The following ZNF510 variants were observed in gnomAD, a reference collection of about 807,000 sequenced individuals.
ZNF510 encodes the protein zinc finger protein 510.
ZNF510 carries 15 observed loss-of-function variants against 18.1 expected under a neutral mutation model. The observed-to-expected ratio is 0.83, with a 90% CI of 0.55 to 1.28. The LOEUF (loss-of-function observed/expected upper bound fraction) is 1.28. Ranked by LOEUF, ZNF510 falls within the 50% of genes most tolerant of loss-of-function variation. The pLI is 0.00. For missense variants in ZNF510, 724 were observed against 791.8 expected (o/e 0.91, Z 1.03); for synonymous variants, 261 against 266.4 (o/e 0.98, Z 0.20).
chr9:96,773,320 A>G (rs776298833), intron 3 of ZNF510, among the ~76,000 whole-genome samples: 3 of 152,204 alleles, frequency 2.0e-5, no homozygotes, highest in Non-Finnish European at 4.4e-5. Context: ...TAAGTTTTTA[A>G]AAGGAAAAAA....
chr9:96,760,689 T>C (rs1588126278), intron 5 of ZNF510, among the ~76,000 whole-genome samples: 2 of 152,250 alleles, frequency 1.3e-5, no homozygotes, highest in South Asian at 4.1e-4. Context: ...TGGTAATGAA[T>C]ACATATTTTG....
chr9:96,773,741 A>G (rs906059528), intron 3 of ZNF510, among the ~76,000 whole-genome samples: 1 of 152,070 alleles, frequency 6.6e-6, no homozygotes, highest in Non-Finnish European at 1.5e-5. Flanking sequence ...ACGCCCGGCT[A>G]ATTTTTATAT....
In ZNF510 at chr9:96,758,606, C is replaced by A; in HGVS notation, c.*172G>T. Reference sequence around the variant, plus strand: ...TGAAGGTTGCATTTTGGACACAATTCTTCCTGCATTCATCTTCATCTGGTT... The same window carrying A: ...TGAAGGTTGCATTTTGGACACAATTATTCCTGCATTCATCTTCATCTGGTT... On this transcript the variant is annotated 3_prime_UTR_variant, in exon 6 of 6. Coordinates refer to ENST00000223428, the MANE Select transcript of ZNF510 (RefSeq NM_014930.3). 1.5e-6 allele frequency: 1 copy of A among 667,152 alleles called. No homozygotes were observed. The highest frequency in any genetic ancestry group is 2.4e-6 in the Non-Finnish European group (1 of 414,174). The allele number at this position is 667,152 out of a possible 1,614,324, so 41.3% of individuals were successfully genotyped here. A position where few individuals can be genotyped will look rare whatever the true frequency, so the allele number is the denominator to read the frequency against.
Position 96,759,720 on chromosome 9 carries a change from T to C in ZNF510, c.1110A>G (p.Thr370=). 6.2e-7 allele frequency: 1 copy of C among 1,614,020 alleles called. No homozygotes were observed. The highest frequency in any genetic ancestry group is 8.5e-7 in the Non-Finnish European group (1 of 1,179,990). The change falls in exon 6 of 6, where the codon ACA becomes ACG. Residue 370 remains threonine (T), a synonymous_variant. Coordinates refer to ENST00000223428, the MANE Select transcript of ZNF510 (RefSeq NM_014930.3). ...ATTCAGAGGATTTAACCCAAGTCTGTGTTCTGTCATTACTTACCAATGGGT... is the reference window on the plus strand; with the variant it reads ...ATTCAGAGGATTTAACCCAAGTCTGCGTTCTGTCATTACTTACCAATGGGT... ...EENPLVSNDR[T]QTWVKSSEYH...
In ZNF510 at chr9:96,762,937, T is replaced by C. The variant is rs1413709306; in HGVS notation, c.352+181A>G. On this transcript the variant is annotated intron_variant, in intron 5 of 5. Coordinates refer to ENST00000223428, the MANE Select transcript of ZNF510 (RefSeq NM_014930.3). ...TTGTCTTTTCACCTTTTGAATAATA[T>C]ATTAACAAATTTCTTACTTTTAATG... 5.6e-6 allele frequency: 3 copies of C among 532,260 alleles called. No individual in the cohort carries two copies. In the South Asian group the frequency reaches 6.6e-5, roughly 12 times the overall value. 33.0% of individuals were successfully genotyped at this position (532,260 alleles called of 1,614,324 possible).
In ZNF510 at chr9:96,760,326, A is replaced by C. The variant is rs1849315021; in HGVS notation, c.504T>G (p.Ala168=). ...KPFTLHVAAV[A]STKMSCKCNS... is the part of the protein sequence containing the mutation. ...TGCATTTGCAGGACATTTTTGTTGA[A>C]GCAACAGCAGCTACATGCAGAGTAA... The change falls in exon 6 of 6, where the codon GCT becomes GCG. Residue 168 remains alanine (A), a synonymous_variant. Coordinates refer to ENST00000223428, the MANE Select transcript of ZNF510 (RefSeq NM_014930.3). 1 of 1,613,878 alleles carries C rather than the reference A, an allele frequency of 6.2e-7. No homozygotes were observed. The highest frequency in any genetic ancestry group is 8.5e-7 in the Non-Finnish European group (1 of 1,179,872).
intron 2 of ZNF510, 149 bp from the exon 3 acceptor site, chr9:96,774,995 C>A (rs1849660782): frequency 1.6e-6 from 1 of 618,608 alleles, no homozygotes; most frequent in African/African-American, 1.9e-5. Context: ...ACAGAGAAAG[C>A]ACCTCCTGAA....
chr9:96,772,304 A>G (rs938158866), intron 3 of ZNF510, among the ~76,000 whole-genome samples: 27 of 152,318 alleles, frequency 1.8e-4, no homozygotes, highest in Admixed American at 1.7e-3. Flanking sequence ...GTATGTAGTA[A>G]CAATATAGGA....
Position 96,759,735 on chromosome 9 carries a change from T to C in ZNF510, c.1095A>G (p.Val365=), listed in dbSNP as rs147066565. 1.4e-4 allele frequency: 225 copies of C among 1,614,028 alleles called. No individual in the cohort carries two copies. Among genetic ancestry groups the C allele is most frequent in the Admixed American group, 5.3e-4 (32 of 60,026 alleles). ...CCCAAGTCTGTGTTCTGTCATTACT[T>C]ACCAATGGGTTCTCTTCTATGACAG... is the stretch of plus-strand genomic sequence containing the variant. The part of the protein sequence containing the change: ...QTAVIEENPL[V]SNDRTQTWVK... The change falls in exon 6 of 6, where the codon GTA becomes GTG. Residue 365 remains valine, a synonymous_variant. Transcript: ENST00000223428.
At chr9:96,766,909 G>C (rs1037934164) in intron 3 of ZNF510, among the ~76,000 whole-genome samples, 2 of 152,138 alleles carry the variant, frequency 1.3e-5, no homozygotes, top group Non-Finnish European at 2.9e-5. Flanking sequence ...ATACAATTAG[G>C]AAGATAAAAC....
rs1849280004 is a variant in ZNF510 at position 96,759,370 on chromosome 9, G to C, written c.1460C>G (p.Pro487Arg). 2 of 1,613,970 alleles carry C rather than the reference G, an allele frequency of 1.2e-6. No individual in the cohort carries two copies. The highest frequency in any genetic ancestry group is 1.7e-6 in the Non-Finnish European group (2 of 1,180,006). ...GHQRIHTGEK[P>R]YECSECGKTF... ...TTTCCCACATTCACTACATTCATAG[G>C]GTTTTTCTCCTGTGTGAATTCTTTG... The change falls in exon 6 of 6, where the codon CCC becomes CGC. Residue 487 changes from proline (P) to arginine (R), a missense_variant. By Grantham distance (103) the Pro-to-Arg change is moderately radical. Coordinates refer to ENST00000223428, the MANE Select transcript of ZNF510 (RefSeq NM_014930.3).
intron 5 of ZNF510, 144 bp downstream of exon 5, chr9:96,762,970 CTTTA>C: frequency 1.6e-6 from 1 of 627,682 alleles, no homozygotes; most frequent in Non-Finnish European, 2.8e-6. Context: ...ATGGAATCAA[CTTTA>C]TTAATTATTT....
rs1849229163 is a variant in ZNF510, at chr9:96,757,684, A to G, written c.*1094T>C. Reference sequence around the variant, plus strand: ...AAACCACGGGTATACTGAACCCTGTATATACTATATTTTTTTCCTACATAT... The same window carrying G: ...AAACCACGGGTATACTGAACCCTGTGTATACTATATTTTTTTCCTACATAT... On this transcript the variant is annotated 3_prime_UTR_variant, in exon 6 of 6. Transcript: ENST00000223428. 6.6e-6 allele frequency: 1 copy of G among 152,230 alleles called. No homozygotes were observed. Among genetic ancestry groups the G allele is most frequent in the East Asian group, 1.9e-4 (1 of 5,200 alleles). 9.4% of individuals were successfully genotyped at this position (152,230 alleles called of 1,614,324 possible). A position where few individuals can be genotyped will look rare whatever the true frequency, so the allele number is the denominator to read the frequency against.
intron 3 of ZNF510, among the ~76,000 whole-genome samples, chr9:96,771,696 T>A (rs551306018): frequency 6.6e-6 from 1 of 152,116 alleles, no homozygotes; most frequent in Non-Finnish European, 1.5e-5. Flanking sequence ...GCAAAAAAAA[T>A]TTTGCACATT....
rs959287040 is a variant in ZNF510 at position 96,756,491 on chromosome 9, T to C, written c.*2287A>G. On this transcript the variant is annotated 3_prime_UTR_variant, in exon 6 of 6. Transcript: ENST00000223428. ...CCCTTCTAAGAGACAGCTACTACTA[T>C]TGCCTATACAGCTGACATACTGTGG... is the stretch of plus-strand genomic sequence containing the variant. The C allele has an allele frequency of 3.3e-5, 5 of 152,332 alleles. No individual in the cohort carries two copies. The highest frequency in any genetic ancestry group is 2.1e-4 in the South Asian group (1 of 4,830). 9.4% of individuals were successfully genotyped at this position (152,332 alleles called of 1,614,324 possible).
chr9:96,768,666 G>C (rs555181255), intron 3 of ZNF510, among the ~76,000 whole-genome samples: 32 of 152,172 alleles, frequency 2.1e-4, no homozygotes, highest in African/African-American at 7.0e-4. Context: ...GTGAACACTA[G>C]AAAACACTGC....
chr9:96,757,319 A>C lies in ZNF510; in HGVS notation c.*1459T>G, dbSNP rs1849218738. On this transcript the variant is annotated 3_prime_UTR_variant, in exon 6 of 6. Transcript: ENST00000223428. ...TGCAATTAAGGCACACTTACGTTGA[A>C]CTGCACAGTGGCTGCTCACCATTCA... 6.6e-6 allele frequency: 1 copy of C among 152,164 alleles called. No homozygotes were observed. The highest frequency in any genetic ancestry group is 1.5e-5 in the Non-Finnish European group (1 of 68,032). 9.4% of individuals were successfully genotyped at this position (152,164 alleles called of 1,614,324 possible). A position where few individuals can be genotyped will look rare whatever the true frequency, so the allele number is the denominator to read the frequency against.
chr9:96,773,505 G>C (rs896062025), intron 3 of ZNF510, among the ~76,000 whole-genome samples: 12 of 151,804 alleles, frequency 7.9e-5, no homozygotes, highest in African/African-American at 2.7e-4. Flanking sequence ...AAGATGATGT[G>C]AGGACAGACA....
At chr9:96,765,968 A>G (rs1272957497) in intron 3 of ZNF510, among the ~76,000 whole-genome samples, 1 of 152,168 alleles carries the variant, frequency 6.6e-6, no homozygotes. Flanking sequence ...CATTAGTTCA[A>G]TCATTATAAA....
Sources: allele counts gnomAD v4.1 joint callset (sites outside exome capture counted in the v4.1 genomes callset), GRCh38; gene constraint gnomAD v4.1.1; transcripts MANE v1.5; gene names NCBI Gene and HGNC (gene_info 2026-07-23, HGNC 2026-07-21).